Variants in ZBED1 observed in about 807,000 individuals in gnomAD.
ZBED1 encodes the protein E3 SUMO-protein ligase ZBED1.
Under a neutral mutation model 49.7 loss-of-function variants are expected in ZBED1, and 19 were observed. The observed-to-expected ratio is 0.38, with a 90% CI of 0.27 to 0.56. ZBED1 has a LOEUF of 0.56. Among genes scored for constraint, ZBED1 ranks in the 20% least tolerant of loss-of-function variants. ZBED1 has a pLI of 0.70. For missense variants in ZBED1, 806 were observed against 972.6 expected, an observed-to-expected ratio of 0.83 and a Z score of 2.28; for synonymous variants, 439 against 440.3, an observed-to-expected ratio of 1.00 and a Z score of 0.04.
At chrX:2,491,851 T>C (rs1238052335) in intron 1 of ZBED1, among the ~76,000 whole-genome samples, 1 of 152,196 alleles carries the variant, frequency 6.6e-6, no homozygotes, top group Non-Finnish European at 1.5e-5. Flanking sequence ...GAGGCTTAGA[T>C]GACCCAGAAG....
chrX:2,488,563 C>A lies in ZBED1; in HGVS notation c.*72G>T. The A allele has an allele frequency of 6.7e-7, 1 of 1,502,358 alleles. No homozygotes were observed. The highest frequency in any genetic ancestry group is 1.4e-5 in the South Asian group (1 of 74,042). 93.1% of individuals were successfully genotyped at this position (1,502,358 alleles called of 1,614,324 possible). On this transcript the variant is annotated 3_prime_UTR_variant, in exon 2 of 2. Transcript: ENST00000652001. ...CTCTGAGGTTCAAAACCAAGCTGAC[C>A]GGGTAAGTATTTACAGCAAAGCATC...
Position 2,490,677 on chromosome X carries a change from G to A in ZBED1, c.43C>T (p.Leu15=). 1 of 1,613,982 alleles carries A rather than the reference G, an allele frequency of 6.2e-7. No individual in the cohort carries two copies. Among genetic ancestry groups the A allele is most frequent in the South Asian group, 1.1e-5 (1 of 91,072 alleles). The change falls in exon 2 of 2, where the codon CTG becomes TTG. Residue 15 remains leucine (L), a synonymous_variant. Transcript: ENST00000652001. ...SLESSQTDLK[L]VAHPRAKSKV... ...CTCTTGGCGCGGGGGTGGGCCACCA[G>A]CTTCAGGTCTGTCTGGGAGCTCTCC...
rs2045408656 is a variant in ZBED1 at position 2,500,800 on chromosome X, T to TGCCCC, written c.-54+12_-54+16dup. On this transcript the variant is annotated intron_variant, in intron 1 of 1. Coordinates refer to ENST00000652001, the MANE Select transcript of ZBED1 (RefSeq NM_001171136.2). ...CCCGGGTCCCCGGAGCCCTGACCCC[T>TGCCCC]GCCCCGCCCCGCTGACCTGGCTCCA... The TGCCCC allele has an allele frequency of 1.1e-6, 1 of 897,536 alleles. No individual in the cohort carries two copies. The highest frequency in any genetic ancestry group is 5.0e-5 in the South Asian group (1 of 20,020). 55.6% of individuals were successfully genotyped at this position (897,536 alleles called of 1,614,324 possible). A position where few individuals can be genotyped will look rare whatever the true frequency, so the allele number is the denominator to read the frequency against.
chrX:2,498,861 C>A (rs1479395972), intron 1 of ZBED1, among the ~76,000 whole-genome samples: 1 of 152,156 alleles, frequency 6.6e-6, no homozygotes, highest in Non-Finnish European at 1.5e-5. Flanking sequence ...CACCTTGCAA[C>A]TGATTACTTA....
Position 2,487,358 on chromosome X carries a change from G to A in ZBED1, c.*1277C>T, listed in dbSNP as rs1169042519. ...CCGAAGACATAACCTCCGGACCCGT[G>A]AGCCACCCACTTTTGTTTTGTTTTG... On this transcript the variant is annotated 3_prime_UTR_variant, in exon 2 of 2. Coordinates refer to ENST00000652001, the MANE Select transcript of ZBED1 (RefSeq NM_001171136.2). The A allele has an allele frequency of 1.4e-5, 2 of 147,828 alleles. No individual in the cohort carries two copies. The highest frequency in any genetic ancestry group is 4.9e-4 in the East Asian group (2 of 4,074). The allele number at this position is 147,828 out of a possible 1,614,324, so 9.2% of individuals were successfully genotyped here. A position where few individuals can be genotyped will look rare whatever the true frequency, so the allele number is the denominator to read the frequency against.
rs1226719581 is a variant in ZBED1 at position 2,500,935 on chromosome X, G to C, written c.-172C>G. ...CAGACAATGGCGACATGGCTGCCCC[G>C]GCCGCGCCGCCGCCGCTTCCGCGCC... On this transcript the variant is annotated 5_prime_UTR_variant, in exon 1 of 2. Transcript: ENST00000652001. 7.6e-6 allele frequency: 8 copies of C among 1,057,278 alleles called. No homozygotes were observed. Among genetic ancestry groups the C allele is most frequent in the African/African-American group, 3.4e-5 (2 of 58,104 alleles). 65.5% of individuals were successfully genotyped at this position (1,057,278 alleles called of 1,614,324 possible).
chrX:2,494,546 C>T (rs1482613555), intron 1 of ZBED1, among the ~76,000 whole-genome samples: 2 of 151,742 alleles, frequency 1.3e-5, no homozygotes, highest in East Asian at 1.9e-4. Context: ...AGTCCGGGTA[C>T]CTGGAACAAA....
In ZBED1 at chrX:2,492,764, C is replaced by T. The variant is rs769024812; in HGVS notation, c.-53-1992G>A. 4.6e-5 allele frequency among the ~76,000 whole-genome samples: 7 copies of T among 152,320 alleles called. 1 individual carries two copies. The South Asian group carries it at 1.5e-3, about 32-fold the overall frequency. ...TGGGAGAGGCAGGAAGCACCCTCCG[C>T]GTAAGCCTCCGGAGGGAGCGCAGCC... On this transcript the variant is annotated intron_variant, in intron 1 of 1. Transcript: ENST00000652001.
Position 2,489,775 on chromosome X carries a change from G to GCAGCGCGA in ZBED1, c.937_944dup (p.Lys317AlafsTer34), listed in dbSNP as rs1569345525. 3.7e-6 allele frequency: 6 copies of GCAGCGCGA among 1,613,402 alleles called. No homozygotes were observed. Among genetic ancestry groups the GCAGCGCGA allele is most frequent in the Non-Finnish European group, 5.1e-6 (6 of 1,179,868 alleles). ...GCTGGAAGTACTCCACCAGTTTGCG[G>GCAGCGCGA]CAGCGCGACAGCAGCGCCCCCAGCT... On this transcript the variant is annotated frameshift_variant, in exon 2 of 2. Transcript: ENST00000652001. LOFTEE classifies it high-confidence loss of function.
At position 2,490,189 on chromosome X, in the gene ZBED1, G is replaced by A. The variant is rs780516244; in HGVS notation, c.531C>T (p.Tyr177=). 1.4e-5 allele frequency: 23 copies of A among 1,613,834 alleles called. No homozygotes were observed. The African/African-American group carries it at 1.5e-4, about 10-fold the overall frequency. The change falls in exon 2 of 2, where the codon TAC becomes TAT. Residue 177 remains tyrosine, a synonymous_variant. Coordinates refer to ENST00000652001, the MANE Select transcript of ZBED1 (RefSeq NM_001171136.2). ...TCAGGATCACCTCCCGGACGGCCCC[G>A]TACTTCTCAGGGATGGCCTTGGTAG... is the stretch of plus-strand genomic sequence containing the variant. ...YISTKAIPEK[Y]GAVREVILKE...
chrX:2,496,320 T>A (rs2045284602), intron 1 of ZBED1, among the ~76,000 whole-genome samples: 1 of 152,130 alleles, frequency 6.6e-6, no homozygotes, highest in Admixed American at 6.6e-5. Flanking sequence ...TGCCTCAGCC[T>A]CCCAAGTAGC....
At position 2,488,830 on chromosome X, in the gene ZBED1, G is replaced by C. The variant is rs202068168; in HGVS notation, c.1890C>G (p.Ser630Arg). The C allele has an allele frequency of 6.2e-7, 1 of 1,613,814 alleles. No individual in the cohort carries two copies. Among genetic ancestry groups the C allele is most frequent in the South Asian group, 1.1e-5 (1 of 91,048 alleles). Residue 630 changes from serine to arginine, a missense_variant, in exon 2 of 2, where the codon AGC becomes AGG. Transcript: ENST00000652001. ...RLFGSAANVV[S>R]AKRNRLAPAH... ...CGGGAGCCAGCCGGTTCCTCTTGGC[G>C]CTGACCACGTTGGCGGCGGATCCGA...
intron 1 of ZBED1, among the ~76,000 whole-genome samples, chrX:2,492,690 G>A (rs1168993359): frequency 2.0e-5 from 3 of 147,796 alleles, no homozygotes; most frequent in Non-Finnish European, 3.0e-5. Context: ...AGACTAGAGT[G>A]ATGATGTGGC....
At position 2,488,872 on chromosome X, in the gene ZBED1, G is replaced by A. The variant is rs746520870; in HGVS notation, c.1848C>T (p.Val616=). 1.4e-5 allele frequency: 23 copies of A among 1,612,702 alleles called. No individual in the cohort carries two copies. Among genetic ancestry groups the A allele is most frequent in the East Asian group, 1.3e-4 (6 of 44,880 alleles). ...QKYWCVTATR[V]APERLFGSAA... Reference sequence around the variant, plus strand: ...CGGATCCGAAGAGACGCTCAGGGGCGACGCGCGTGGCCGTCACGCACCAGT... The same window carrying A: ...CGGATCCGAAGAGACGCTCAGGGGCAACGCGCGTGGCCGTCACGCACCAGT... The change falls in exon 2 of 2, where the codon GTC becomes GTT. Residue 616 remains valine (V), a synonymous_variant. Coordinates refer to ENST00000652001, the MANE Select transcript of ZBED1 (RefSeq NM_001171136.2).
At chrX:2,496,077 T>C (rs2045276800) in intron 1 of ZBED1, among the ~76,000 whole-genome samples, 1 of 152,242 alleles carries the variant, frequency 6.6e-6, no homozygotes, top group Non-Finnish European at 1.5e-5. Context: ...GGGTACCAAG[T>C]TTCTGTTCGA....
chrX:2,489,870 C>A lies in ZBED1; in HGVS notation c.850G>T (p.Val284Phe), dbSNP rs780655943. Residue 284 changes from valine to phenylalanine, a missense_variant, in exon 2 of 2, where the codon GTC becomes TTC. Physicochemically the swap from Val to Phe is conservative, Grantham distance 50. Coordinates refer to ENST00000652001, the MANE Select transcript of ZBED1 (RefSeq NM_001171136.2). Reference protein sequence around the residue: ...DIVKACSLLDVAVHMPCLGHT... With the variant: ...DIVKACSLLDFAVHMPCLGHT... ...CCCAGGCAGGGCATGTGCACTGCGA[C>A]GTCCAGCAGGGAGCACGCCTTCACG... 6.2e-7 allele frequency: 1 copy of A among 1,613,680 alleles called. No homozygotes were observed. The highest frequency in any genetic ancestry group is 8.5e-7 in the Non-Finnish European group (1 of 1,179,890).
chrX:2,500,543 A>C, intron 1 of ZBED1: 1 of 160,538 alleles, frequency 6.2e-6, no homozygotes, highest in Non-Finnish European at 1.3e-5. Context: ...ACAGGCGGGG[A>C]GGCCACACGC....
rs1342596042 is a variant in ZBED1 at position 2,500,866 on chromosome X, C to T, written c.-103G>A. On this transcript the variant is annotated 5_prime_UTR_variant, in exon 1 of 2. Transcript: ENST00000652001. ...AGCGCCGCAGCAGCTGCGCCAGGAT[C>T]ACCGCGGCGCCTACCGCGTAGACCC... The T allele has an allele frequency of 8.6e-7, 1 of 1,159,532 alleles. No homozygotes were observed. Among genetic ancestry groups the T allele is most frequent in the East Asian group, 4.7e-5 (1 of 21,498 alleles). The allele number at this position is 1,159,532 out of a possible 1,614,324, so 71.8% of individuals were successfully genotyped here.
chrX:2,496,874 CTAAAAATATATATATTTAA>C (rs1437342511), intron 1 of ZBED1, among the ~76,000 whole-genome samples: 2 of 147,054 alleles, frequency 1.4e-5, no homozygotes, highest in Admixed American at 1.4e-4. Context: ...ATAAATTATT[CTAAAAATATATATATTTAA>C]TAAAAATAAA....
Sources: allele counts gnomAD v4.1 joint callset (sites outside exome capture counted in the v4.1 genomes callset), GRCh38; gene constraint gnomAD v4.1.1; transcripts MANE v1.5; gene names NCBI Gene and HGNC (gene_info 2026-07-23, HGNC 2026-07-21).